The following AOAH variants were observed in gnomAD, a reference collection of about 807,000 sequenced individuals.
AOAH encodes the protein acyloxyacyl hydrolase, also known as acyloxyacyl hydrolase (neutrophil).
In AOAH, 64 loss-of-function variants were observed where a neutral mutation model predicts 92.2. The observed-to-expected ratio is 0.69, with a 90% CI of 0.57 to 0.86. The LOEUF (loss-of-function observed/expected upper bound fraction) is 0.86. Ranked by LOEUF, AOAH falls within the 40% of genes least tolerant of loss-of-function variation. AOAH has a pLI of 0.00. For synonymous variants in AOAH, 263 were observed against 254.5 expected (o/e 1.03, Z -0.32); for missense variants, 656 against 694.6 (o/e 0.94, Z 0.62).
At chr7:36,540,253 C>T (rs1300427661) in intron 16 of AOAH, 66 bp downstream of exon 16, 1 of 1,388,140 alleles carries the variant, frequency 7.2e-7, no homozygotes, top group Admixed American at 2.3e-5. Context: ...TGGTTTGAAC[C>T]ATATATACAT....
At chr7:36,712,652 C>A (rs1428015390) in intron 1 of AOAH, among the ~76,000 whole-genome samples, 1 of 152,136 alleles carries the variant, frequency 6.6e-6, no homozygotes, top group Non-Finnish European at 1.5e-5. Context: ...ACTCTACAAG[C>A]CAGAAGAGAG....
At chr7:36,670,696 C>T (rs1383088445) in intron 3 of AOAH, among the ~76,000 whole-genome samples, 2 of 152,100 alleles carry the variant, frequency 1.3e-5, no homozygotes, top group Admixed American at 6.5e-5. Context: ...AGGATGCTCT[C>T]GATCTCCTGA....
intron 6 of AOAH, among the ~76,000 whole-genome samples, chr7:36,624,953 C>T (rs778826178): frequency 2.0e-5 from 3 of 152,158 alleles, no homozygotes; most frequent in African/African-American, 4.8e-5. Flanking sequence ...CTTTTTAGCA[C>T]TTTTTAAACT....
intron 13 of AOAH, among the ~76,000 whole-genome samples, chr7:36,558,141 G>A (rs1261718683): frequency 1.3e-5 from 2 of 152,088 alleles, no homozygotes; most frequent in Non-Finnish European, 2.9e-5. Flanking sequence ...CTTTGATGAT[G>A]GTGATGTACA....
chr7:36,610,158 G>GAAA (rs1491223447), intron 11 of AOAH, among the ~76,000 whole-genome samples: 3 of 31,590 alleles, frequency 9.5e-5, no homozygotes, highest in African/African-American at 4.8e-4. Context: ...CTCCATAATA[G>GAAA]CAAAAAAAAA....
intron 3 of AOAH, 108 bp downstream of exon 3, chr7:36,673,835 T>C: frequency 1.4e-6 from 1 of 724,318 alleles, no homozygotes; most frequent in Non-Finnish European, 2.3e-6. Context: ...CCTCGAGCCC[T>C]GTCCAGAAAG....
intron 1 of AOAH, among the ~76,000 whole-genome samples, chr7:36,717,266 A>T (rs1799267879): frequency 6.6e-6 from 1 of 152,072 alleles, no homozygotes; most frequent in Non-Finnish European, 1.5e-5. Flanking sequence ...AACTTCAGTG[A>T]GGGCTCCTTT....
At chr7:36,609,942 G>A (rs1242537710) in intron 11 of AOAH, among the ~76,000 whole-genome samples, 1 of 151,798 alleles carries the variant, frequency 6.6e-6, no homozygotes, top group Non-Finnish European at 1.5e-5. Context: ...CTGACATTTT[G>A]TTTACACTTG....
At chr7:36,630,923 A>AATAATAACCCTTACCTCATTT (rs1370641880) in intron 6 of AOAH, among the ~76,000 whole-genome samples, 9 of 152,236 alleles carry the variant, frequency 5.9e-5, no homozygotes, top group Non-Finnish European at 1.3e-4. Context: ...AAATGGGAAT[A>AATAATAACCCTTACCTCATTT]ATAATAACCC....
At chr7:36,549,618 A>C (rs1376973182) in intron 13 of AOAH, 143 bp from the exon 14 acceptor site, 1 of 594,302 alleles carries the variant, frequency 1.7e-6, no homozygotes, top group African/African-American at 1.9e-5. Context: ...TGATGGAAAT[A>C]ATTTTCTTCC....
At chr7:36,626,178 CAGAGAG>C (rs780078026) in intron 6 of AOAH, among the ~76,000 whole-genome samples, 1 of 150,348 alleles carries the variant, frequency 6.7e-6, no homozygotes, top group Non-Finnish European at 1.5e-5. Flanking sequence ...GACAGATCAA[CAGAGAG>C]AGAGAGAGAG....
At chr7:36,566,686 G>A (rs1055038342) in intron 13 of AOAH, among the ~76,000 whole-genome samples, 2 of 152,074 alleles carry the variant, frequency 1.3e-5, no homozygotes, top group African/African-American at 2.4e-5. Context: ...CTCAGGAGTC[G>A]GGTGAGTGGA....
intron 3 of AOAH, 27 bp from the exon 4 acceptor site, chr7:36,659,292 G>A: frequency 1.3e-6 from 2 of 1,565,152 alleles, no homozygotes; most frequent in Non-Finnish European, 1.8e-6. Context: ...CAAAACAAAG[G>A]CTATTCAGAT....
intron 1 of AOAH, among the ~76,000 whole-genome samples, chr7:36,721,589 G>A (rs780683353): frequency 6.6e-6 from 1 of 152,314 alleles, no homozygotes; most frequent in South Asian, 2.1e-4. Flanking sequence ...GACAACAGGT[G>A]AATAAGTCAC....
chr7:36,612,237 C>A (rs1202773950), intron 11 of AOAH, among the ~76,000 whole-genome samples: 2 of 152,100 alleles, frequency 1.3e-5, no homozygotes, highest in African/African-American at 2.4e-5. Context: ...ACATGCTGAC[C>A]TACAACTTTC....
intron 13 of AOAH, among the ~76,000 whole-genome samples, chr7:36,556,019 C>A (rs973463609): frequency 6.6e-6 from 1 of 152,100 alleles, no homozygotes; most frequent in Non-Finnish European, 1.5e-5. Flanking sequence ...TTCTTGCCTT[C>A]TGCTAGCTTT....
At chr7:36,618,246 C>G in intron 10 of AOAH, 51 bp downstream of exon 10, 1 of 1,560,556 alleles carries the variant, frequency 6.4e-7, no homozygotes, top group East Asian at 2.2e-5. Context: ...TTGACTCAAA[C>G]TAGAAAAGAA....
At chr7:36,539,554 G>A (rs1785283063) in intron 16 of AOAH, among the ~76,000 whole-genome samples, 2 of 152,184 alleles carry the variant, frequency 1.3e-5, no homozygotes, top group Non-Finnish European at 2.9e-5. Context: ...TGGTTACCCT[G>A]TGCCTAGAAT....
chr7:36,513,451 C>A (rs117529051), intron 20 of AOAH, 71 bp from the exon 21 acceptor site: 2 of 1,514,548 alleles, frequency 1.3e-6, no homozygotes, highest in Non-Finnish European at 1.8e-6. Context: ...AGATTTCCCA[C>A]GTGCTTTCTG....
Sources: allele counts gnomAD v4.1 joint callset (sites outside exome capture counted in the v4.1 genomes callset), GRCh38; gene constraint gnomAD v4.1.1; transcripts MANE v1.5; gene names NCBI Gene and HGNC (gene_info 2026-07-23, HGNC 2026-07-21).